The following PROZ variants were observed in gnomAD, a reference collection of about 807,000 sequenced individuals.
The protein encoded by PROZ is vitamin K-dependent protein Z.
A neutral mutation model predicts 34.9 loss-of-function variants in PROZ; 46 were observed. The observed-to-expected ratio is 1.32, with a 90% CI of 1.04 to 1.69. The LOEUF (loss-of-function observed/expected upper bound fraction) is 1.69, where lower values mean the gene tolerates loss of function less well. Ranked by LOEUF, PROZ falls within the 40% of genes most tolerant of loss-of-function variation. The pLI is 0.00. For missense variants in PROZ, 530 were observed against 520.4 expected, an observed-to-expected ratio of 1.02 and a Z score of -0.18; for synonymous variants, 195 against 208.5, an observed-to-expected ratio of 0.94 and a Z score of 0.56.
chr13:113,161,786 C>T (rs1248696098), intron 3 of PROZ, among the ~76,000 whole-genome samples: 3 of 141,260 alleles, frequency 2.1e-5, no homozygotes, highest in Non-Finnish European at 3.2e-5. Flanking sequence ...CTCAGGTCCC[C>T]GTCCCTGCCA....
In PROZ at chr13:113,160,024, G is replaced by A. The variant is rs372415485; in HGVS notation, c.81G>A (p.Pro27=). ...LHRVEPSVFL[P]ASKANDVLVR... The stretch of plus-strand genomic sequence containing the variant: ...TTGTCTCGTCTGTAGTATTTCTCCC[G>A]GCCTCCAAAGCAAACGACGTTCTGG... The change falls in exon 2 of 8, where the codon CCG becomes CCA. Residue 27 remains proline, a synonymous_variant. Transcript: ENST00000375547. 2.4e-5 allele frequency: 39 copies of A among 1,613,962 alleles called. No individual in the cohort carries two copies. In the African/African-American group the frequency reaches 2.5e-4, roughly 10 times the overall value.
chr13:113,160,888 G>A (rs956018747), intron 2 of PROZ, 60 bp from the exon 3 acceptor site: 9 of 1,429,728 alleles, frequency 6.3e-6, no homozygotes, highest in Middle Eastern at 2.1e-4. Flanking sequence ...TTCATCTACA[G>A]GAAAGAATAT....
rs375788866 is a variant in PROZ, at chr13:113,171,654, T to C, written c.752T>C (p.Met251Thr). 17 of 1,613,994 alleles carry C rather than the reference T, an allele frequency of 1.1e-5. No homozygotes were observed. Among genetic ancestry groups the C allele is most frequent in the Middle Eastern group, 1.6e-4 (1 of 6,084 alleles). ...AAGATAACGCACGTCCATGTGCACA[T>C]GCGGTATGACGCGGACGCGGGGGAG... ...MIKITHVHVH[M>T]RYDADAGEND... is the part of the protein sequence containing the mutation. The change falls in exon 8 of 8, where the codon ATG (methionine) becomes ACG (threonine). Residue 251 changes from methionine to threonine, a missense_variant. By Grantham distance (81) the Met-to-Thr change is moderately conservative (BLOSUM62 -1). Transcript: ENST00000375547. The surrounding 1 kb of genome is among the most constrained non-coding windows in gnomAD (Gnocchi z 5.1).
rs758112048 is a variant in PROZ at position 113,163,054 on chromosome 13, G to A, written c.305G>A (p.Cys102Tyr). ...CAGCCCTGCCTCCACAACGGCTCTT[G>A]CCAGGACAGCATCTGGGGCTACACC... ...ISQPCLHNGS[C>Y]QDSIWGYTCT... Residue 102 changes from cysteine to tyrosine, a missense_variant, in exon 4 of 8, where the codon TGC (cysteine) becomes TAC (tyrosine). Coordinates refer to ENST00000375547, the MANE Select transcript of PROZ (RefSeq NM_003891.3). The A allele has an allele frequency of 6.4e-7, 1 of 1,560,580 alleles. No individual in the cohort carries two copies.
At chr13:113,169,964 G>A (rs1046879288) in intron 6 of PROZ, among the ~76,000 whole-genome samples, 4 of 152,170 alleles carry the variant, frequency 2.6e-5, no homozygotes, top group African/African-American at 9.7e-5. Flanking sequence ...GCCTCCCTGG[G>A]CTCTCAGCTT....
At position 113,164,759 on chromosome 13, in the gene PROZ, C is replaced by T. The variant is rs1315132073; in HGVS notation, c.505+115C>T. On this transcript the variant is annotated intron_variant, in intron 5 of 7. Transcript: ENST00000375547. ...GCGGATTTGTGATAAGCAGTTGCCACGACTCAGAAGGTGGTCCGCGTCTCC... is the reference window on the plus strand; with the variant it reads ...GCGGATTTGTGATAAGCAGTTGCCATGACTCAGAAGGTGGTCCGCGTCTCC... 19 of 1,493,532 alleles carry T rather than the reference C, an allele frequency of 1.3e-5. No individual in the cohort carries two copies. The Middle Eastern group carries it at 6.9e-4, about 54-fold the overall frequency. The allele number at this position is 1,493,532 out of a possible 1,614,324, so 92.5% of individuals were successfully genotyped here.
At chr13:113,165,823 G>A (rs1271978880) in intron 6 of PROZ, among the ~76,000 whole-genome samples, 6 of 152,202 alleles carry the variant, frequency 3.9e-5, no homozygotes, top group East Asian at 3.8e-4. Context: ...GAGCCACCAC[G>A]CCTGGCCTCA....
chr13:113,166,732 C>A (rs979024207), intron 6 of PROZ, among the ~76,000 whole-genome samples: 2 of 152,204 alleles, frequency 1.3e-5, no homozygotes, highest in Admixed American at 1.3e-4. Context: ...TTCTTCCTAT[C>A]GCTGTCTGCC....
At chr13:113,167,266 G>A (rs1314587588) in intron 6 of PROZ, among the ~76,000 whole-genome samples, 2 of 152,204 alleles carry the variant, frequency 1.3e-5, no homozygotes, top group African/African-American at 2.4e-5. Flanking sequence ...ACCCCTAGAG[G>A]TGCAGTGAGG....
chr13:113,169,840 T>C (rs2037056487), intron 6 of PROZ, among the ~76,000 whole-genome samples: 1 of 152,254 alleles, frequency 6.6e-6, no homozygotes, highest in African/African-American at 2.4e-5. Context: ...TGATCACCAC[T>C]GCTCTGCTGA....
chr13:113,162,901 C>CCTCCTCCTG, intron 3 of PROZ, 108 bp from the exon 4 acceptor site: 2 of 560,508 alleles, frequency 3.6e-6, no homozygotes, highest in South Asian at 1.8e-5. Flanking sequence ...ACCCCCCACT[C>CCTCCTCCTG]CATCCTCCTC....
rs749067112 is a variant in PROZ at position 113,171,673 on chromosome 13, G to A, written c.771G>A (p.Ala257=). 2.6e-5 allele frequency: 42 copies of A among 1,613,884 alleles called. No homozygotes were observed. The highest frequency in any genetic ancestry group is 1.3e-4 in the South Asian group (12 of 91,082). Residue 257 remains alanine (A), a synonymous_variant, in exon 8 of 8, where the codon GCG becomes GCA. Coordinates refer to ENST00000375547, the MANE Select transcript of PROZ (RefSeq NM_003891.3). The surrounding 1 kb of genome is among the most constrained non-coding windows in gnomAD (Gnocchi z 5.1). ...TGCACATGCGGTATGACGCGGACGC[G>A]GGGGAGAATGACCTGTCACTGCTGG... ...VHVHMRYDAD[A]GENDLSLLEL... is the part of the protein sequence containing the mutation.
In PROZ at chr13:113,171,586, G is replaced by C. The variant is rs757994395; in HGVS notation, c.692-8G>C. 1 of 1,614,028 alleles carries C rather than the reference G, an allele frequency of 6.2e-7. No homozygotes were observed. The highest frequency in any genetic ancestry group is 8.5e-7 in the Non-Finnish European group (1 of 1,180,032). The stretch of plus-strand genomic sequence containing the variant: ...CTGTAAAGAACTGACGATTGTTCAT[G>C]ATTTCAGATTTTAACAGAACGAGCC... On this transcript the variant is annotated splice_region_variant and splice_polypyrimidine_tract_variant and intron_variant, in intron 7 of 7. Coordinates refer to ENST00000375547, the MANE Select transcript of PROZ (RefSeq NM_003891.3). The surrounding 1 kb of genome is among the most constrained non-coding windows in gnomAD (Gnocchi z 5.1).
intron 5 of PROZ, 142 bp downstream of exon 5, chr13:113,164,786 C>A (rs553971008): frequency 3.7e-6 from 5 of 1,354,884 alleles, no homozygotes; most frequent in Middle Eastern, 2.5e-4. Flanking sequence ...CGCGTCTCCA[C>A]GCTGGAGCAA....
rs767182041 is a variant in PROZ, at chr13:113,171,812, G to A, written c.910G>A (p.Ala304Thr). ...CACCAGGGGCCTCCTCAGCGGCTGGGCACGCAATGGCACTGACCTGGGCAA... is the reference window on the plus strand; with the variant it reads ...CACCAGGGGCCTCCTCAGCGGCTGGACACGCAATGGCACTGACCTGGGCAA... ...PRTRGLLSGW[A>T]RNGTDLGNSL... The change falls in exon 8 of 8, where the codon GCA (alanine) becomes ACA (threonine). Residue 304 changes from alanine (A) to threonine (T), a missense_variant. Transcript: ENST00000375547. The surrounding 1 kb of genome is among the most constrained non-coding windows in gnomAD (Gnocchi z 5.1). The A allele has an allele frequency of 1.2e-6, 2 of 1,613,518 alleles. No individual in the cohort carries two copies. Among genetic ancestry groups the A allele is most frequent in the South Asian group, 1.1e-5 (1 of 91,082 alleles).
intron 3 of PROZ, among the ~76,000 whole-genome samples, chr13:113,161,708 C>A (rs1341692678): frequency 6.6e-6 from 1 of 152,024 alleles, no homozygotes; most frequent in Non-Finnish European, 1.5e-5. Flanking sequence ...CAGGCGATGG[C>A]ATGGGGAGCA....
chr13:113,169,188 G>T (rs1209490708), intron 6 of PROZ, among the ~76,000 whole-genome samples: 11 of 152,176 alleles, frequency 7.2e-5, no homozygotes, highest in Admixed American at 7.2e-4. Context: ...GATAGTTTCT[G>T]TTGTGATGCC....
At chr13:113,164,736 G>A (rs1349699130) in intron 5 of PROZ, 92 bp downstream of exon 5, 34 of 1,560,130 alleles carry the variant, frequency 2.2e-5, no homozygotes, top group African/African-American at 6.8e-5. Flanking sequence ...TGAAGCCCGC[G>A]GATTTGTGAT....
intron 5 of PROZ, 105 bp from the exon 6 acceptor site, chr13:113,164,948 T>C (rs1252907857): frequency 3.5e-6 from 4 of 1,147,888 alleles, no homozygotes; most frequent in Non-Finnish European, 5.1e-6. Context: ...ATTATAATGG[T>C]TAGTACCATA....
Sources: gnomAD v4.1 joint callset for allele counts (sites outside exome capture counted in the v4.1 genomes callset) on GRCh38, gnomAD v4.1.1 for gene constraint, Gnocchi (gnomAD v3.1) non-coding constraint, MANE v1.5 for transcripts, NCBI Gene and HGNC (gene_info 2026-07-23, HGNC 2026-07-21) for gene names.